The following VKORC1L1 variants were observed in gnomAD, a reference collection of about 807,000 sequenced individuals.
VKORC1L1 encodes vitamin K epoxide reductase complex subunit 1L1, also known as vitamin K epoxide reductase complex subunit 1-like protein 1.
A neutral mutation model predicts 18.9 loss-of-function variants in VKORC1L1; 2 were observed. That is an observed-to-expected ratio of 0.11 (90% CI 0.04 to 0.33). The LOEUF is 0.33. VKORC1L1 is among the 10% of genes least tolerant of loss of function. The pLI, the probability that VKORC1L1 is intolerant of heterozygous loss-of-function variation, is 1.00. For missense variants in VKORC1L1, 123 were observed against 224.1 expected, an observed-to-expected ratio of 0.55 and a Z score of 2.88; for synonymous variants, 96 against 100.0, an observed-to-expected ratio of 0.96 and a Z score of 0.24.
At chr7:65,909,292 T>A (rs894094083) in intron 1 of VKORC1L1, among the ~76,000 whole-genome samples, 2 of 151,616 alleles carry the variant, frequency 1.3e-5, no homozygotes, top group African/African-American at 4.8e-5. Flanking sequence ...ACAGCATCAC[T>A]TTCAAGTGAC....
rs1197307101 is a variant in VKORC1L1, at chr7:65,957,961, C to T, written c.*3661C>T. 6.6e-6 allele frequency: 1 copy of T among 152,198 alleles called. No homozygotes were observed. Among genetic ancestry groups the T allele is most frequent in the African/African-American group, 2.4e-5 (1 of 41,450 alleles). The allele number at this position is 152,198 out of a possible 1,614,324, so 9.4% of individuals were successfully genotyped here. ...CAACTTAGATTGGTACCAAGAGTGA[C>T]AGGAGATCTTGTCTTGGAAGATCAT... On this transcript the variant is annotated 3_prime_UTR_variant, in exon 3 of 3. Transcript: ENST00000360768.
At chr7:65,867,946 A>G in the VKORC1L1 span, among the ~76,000 whole-genome samples, 1 of 152,170 alleles carries the variant, frequency 6.6e-6, no homozygotes. Flanking sequence ...TCCCAGATTC[A>G]AGTGATTCTC....
intron 1 of VKORC1L1, among the ~76,000 whole-genome samples, chr7:65,929,934 A>G (rs1302445290): frequency 6.6e-6 from 1 of 151,826 alleles, no homozygotes; most frequent in Non-Finnish European, 1.5e-5. Context: ...TAATATCTCT[A>G]TGTATATAGG....
intron 1 of VKORC1L1, among the ~76,000 whole-genome samples, chr7:65,896,150 C>T (rs1268542628): frequency 7.9e-5 from 12 of 151,072 alleles, no homozygotes; most frequent in African/African-American, 2.7e-4. Context: ...GTGATTCACT[C>T]GCCTCAGCCT....
chr7:65,872,740 G>A (rs1239623054), upstream of VKORC1L1, among the ~76,000 whole-genome samples: 3 of 152,116 alleles, frequency 2.0e-5, no homozygotes, highest in East Asian at 5.8e-4. Flanking sequence ...CAGGTCATAG[G>A]TGTGGGTCTC....
At chr7:65,909,101 C>T (rs1789456462) in intron 1 of VKORC1L1, among the ~76,000 whole-genome samples, 1 of 145,680 alleles carries the variant, frequency 6.9e-6, no homozygotes, top group African/African-American at 2.5e-5. Context: ...CTTGGCCTCC[C>T]AAAGTACTGG....
upstream of VKORC1L1, among the ~76,000 whole-genome samples, chr7:65,868,444 G>T (rs550280811): frequency 1.3e-5 from 2 of 152,180 alleles, no homozygotes; most frequent in East Asian, 3.9e-4. Flanking sequence ...AAATAGAACT[G>T]CAATCCAACC....
At chr7:65,895,894 CTTTTTTT>C (rs899804086) in intron 1 of VKORC1L1, among the ~76,000 whole-genome samples, 11 of 113,278 alleles carry the variant, frequency 9.7e-5, no homozygotes, top group African/African-American at 3.5e-4. Context: ...TATCTCACTT[CTTTTTTT>C]TTTTTTTTTT....
intron 1 of VKORC1L1, among the ~76,000 whole-genome samples, chr7:65,874,389 G>A (rs921201486): frequency 1.3e-5 from 2 of 151,814 alleles, no homozygotes; most frequent in African/African-American, 4.8e-5. Flanking sequence ...TAGCATATTC[G>A]AGACCAGCAT....
intron 1 of VKORC1L1, among the ~76,000 whole-genome samples, chr7:65,938,950 A>G (rs1299978907): frequency 6.6e-6 from 1 of 152,204 alleles, no homozygotes; most frequent in Non-Finnish European, 1.5e-5. Flanking sequence ...GCCATGAATC[A>G]GGGCCACACC....
At chr7:65,874,530 G>C (rs6950688) in intron 1 of VKORC1L1, among the ~76,000 whole-genome samples, 47,449 of 151,764 alleles carry the variant, frequency 0.31, 8,662 homozygotes, top group East Asian at 0.46. Context: ...TTTCTTGGCC[G>C]GGCACAGTGG....
chr7:65,899,559 T>G (rs2116386892), intron 1 of VKORC1L1, among the ~76,000 whole-genome samples: 1 of 152,248 alleles, frequency 6.6e-6, no homozygotes, highest in African/African-American at 2.4e-5. Context: ...ACTCTGAAGC[T>G]TATGGGAGGA....
chr7:65,866,700 A>G, the VKORC1L1 span, among the ~76,000 whole-genome samples: 7 of 152,166 alleles, frequency 4.6e-5, no homozygotes, highest in African/African-American at 1.7e-4. Context: ...ACTTGAGCCC[A>G]AAAGGTTGAG....
chr7:65,946,618 A>T (rs1488898003), intron 1 of VKORC1L1, among the ~76,000 whole-genome samples: 1 of 152,174 alleles, frequency 6.6e-6, no homozygotes, highest in African/African-American at 2.4e-5. Flanking sequence ...TGTATCTGTT[A>T]CAAGGTGTGT....
At position 65,958,902 on chromosome 7, in the gene VKORC1L1, T is replaced by C. The variant is rs1404651930; in HGVS notation, c.*4602T>C. ...CTTGAATACTCCCTGTATAATCCTC[T>C]AAAAAGGTAGCATCGGCAAGAAAGA... On this transcript the variant is annotated 3_prime_UTR_variant, in exon 3 of 3. Transcript: ENST00000360768. The C allele has an allele frequency of 2.6e-5, 4 of 152,212 alleles. No individual in the cohort carries two copies. Among genetic ancestry groups the C allele is most frequent in the African/African-American group, 9.7e-5 (4 of 41,448 alleles). 9.4% of individuals were successfully genotyped at this position (152,212 alleles called of 1,614,324 possible). A position where few individuals can be genotyped will look rare whatever the true frequency, so the allele number is the denominator to read the frequency against.
At chr7:65,866,753 A>T in the VKORC1L1 span, among the ~76,000 whole-genome samples, 12 of 152,186 alleles carry the variant, frequency 7.9e-5, no homozygotes, top group Admixed American at 7.9e-4. Flanking sequence ...TCTACAAAAA[A>T]TAAAAAGAAA....
At chr7:65,910,999 AT>A (rs1789493281) in intron 1 of VKORC1L1, among the ~76,000 whole-genome samples, 1 of 152,186 alleles carries the variant, frequency 6.6e-6, no homozygotes, top group Non-Finnish European at 1.5e-5. Context: ...TAACCAGTAT[AT>A]CTCTTCAGTT....
upstream of VKORC1L1, among the ~76,000 whole-genome samples, chr7:65,869,249 G>A (rs1210530154): frequency 6.6e-6 from 1 of 151,940 alleles, no homozygotes; most frequent in East Asian, 1.9e-4. Context: ...GGCTGATGGA[G>A]GTTGCAGTGA....
chr7:65,878,107 C>T (rs1438327184), intron 1 of VKORC1L1, among the ~76,000 whole-genome samples: 1 of 152,020 alleles, frequency 6.6e-6, no homozygotes, highest in Admixed American at 6.6e-5. Flanking sequence ...AAAAAAGTAC[C>T]ATCTATTTAC....
Sources: allele counts gnomAD v4.1 joint callset (sites outside exome capture counted in the v4.1 genomes callset), GRCh38; gene constraint gnomAD v4.1.1; transcripts MANE v1.5; gene names NCBI Gene and HGNC (gene_info 2026-07-23, HGNC 2026-07-21).